Variants in ADAM22 observed in about 807,000 individuals in gnomAD.
ADAM22 encodes the protein disintegrin and metalloproteinase domain-containing protein 22.
A neutral mutation model predicts 144.6 loss-of-function variants in ADAM22; 65 were observed. The observed-to-expected ratio is 0.45, with a 90% confidence interval of 0.37 to 0.55. The LOEUF is 0.55. Ranked by LOEUF, ADAM22 falls within the 20% of genes least tolerant of loss-of-function variation. The probability of loss-of-function intolerance (pLI) is 0.00; values close to 1 mark genes in which losing one functional copy is unlikely to be tolerated. For missense variants in ADAM22, 974 were observed against 1,184.9 expected (o/e 0.82, Z 2.61); for synonymous variants, 391 against 412.6 (o/e 0.95, Z 0.63).
chr7:88,192,718 T>C (rs560336499), intron 30 of ADAM22, among the ~76,000 whole-genome samples: 1 of 152,216 alleles, frequency 6.6e-6, no homozygotes, highest in African/African-American at 2.4e-5. Context: ...ATTGGAATTA[T>C]CGTACTTAAA....
chr7:88,109,055 T>G (rs1257632927), intron 5 of ADAM22, among the ~76,000 whole-genome samples: 1 of 152,158 alleles, frequency 6.6e-6, no homozygotes, highest in African/African-American at 2.4e-5. Flanking sequence ...TTTTTATATT[T>G]TTGTCAAATA....
intron 3 of ADAM22, among the ~76,000 whole-genome samples, chr7:87,988,830 A>G (rs1432515971): frequency 1.3e-5 from 2 of 152,178 alleles, no homozygotes; most frequent in Admixed American, 6.5e-5. Flanking sequence ...AACCCTCTCT[A>G]GTAGACATGG....
chr7:88,142,990 G>C, intron 14 of ADAM22, 36 bp from the exon 15 acceptor site: 1 of 1,350,396 alleles, frequency 7.4e-7, no homozygotes, highest in Non-Finnish European at 1.1e-6. Context: ...AGAAAGATGA[G>C]TTGAACCCAG....
Position 88,063,554 on chromosome 7 carries a change from G to T in ADAM22, c.324-12072G>T, listed in dbSNP as rs561452119. ...AAAGGACAGAGAGGAAATTATCAAA[G>T]AAATATTTTAAGAAAATTTTTCATA... On this transcript the variant is annotated intron_variant, in intron 3 of 31. Coordinates refer to ENST00000413139, the MANE Select transcript of ADAM22 (RefSeq NM_001324418.2). 1.5e-4 allele frequency among the ~76,000 whole-genome samples: 23 copies of T among 152,186 alleles called. No individual in the cohort carries two copies. The South Asian group carries it at 2.7e-3, about 18-fold the overall frequency.
chr7:88,143,192 C>A, intron 15 of ADAM22, 67 bp downstream of exon 15: 1 of 1,132,662 alleles, frequency 8.8e-7, no homozygotes, highest in Non-Finnish European at 1.3e-6. Flanking sequence ...TACAAATACA[C>A]ATTTTCAGCT....
rs1281946644 is a variant in ADAM22 at position 88,138,963 on chromosome 7, G to A, written c.1220+2932G>A. On this transcript the variant is annotated intron_variant, in intron 14 of 31. Transcript: ENST00000413139. ...CTTCCTCCCAGCTCTGCAGTGGGCA[G>A]GAGGGTGGGCTTGGCTGTGACCCCT... is the stretch of plus-strand genomic sequence containing the variant. Among the ~76,000 whole-genome samples the A allele has an allele frequency of 3.9e-5, 6 of 152,238 alleles. No homozygotes were observed. The East Asian group carries it at 1.2e-3, about 29-fold the overall frequency.
chr7:88,123,626 C>T (rs1343811883), intron 7 of ADAM22, among the ~76,000 whole-genome samples: 2 of 151,826 alleles, frequency 1.3e-5, no homozygotes, highest in Non-Finnish European at 2.9e-5. Flanking sequence ...TTTTGAGTCT[C>T]ACTTTTTTCT....
intron 2 of ADAM22, among the ~76,000 whole-genome samples, chr7:87,969,375 G>T (rs1459370602): frequency 1.3e-5 from 2 of 152,120 alleles, no homozygotes; most frequent in African/African-American, 4.8e-5. Context: ...TATCCCTACA[G>T]TTGAAGGACT....
rs749545505 is a variant in ADAM22 at position 87,935,192 on chromosome 7, A to C, written c.246+6A>C. On this transcript the variant is annotated splice_donor_region_variant and intron_variant, in intron 2 of 31. Coordinates refer to ENST00000413139, the MANE Select transcript of ADAM22 (RefSeq NM_001324418.2). ...GCGACCTCGGTGGCCCGCAGGTGAG[A>C]GGCTCGGTCCGGGAGGTGGTCCTCC... The C allele has an allele frequency of 4.4e-6, 7 of 1,593,264 alleles. No homozygotes were observed. The African/African-American group carries it at 9.4e-5, about 21-fold the overall frequency.
intron 3 of ADAM22, among the ~76,000 whole-genome samples, chr7:88,063,150 A>G (rs1477879122): frequency 6.6e-6 from 1 of 152,242 alleles, no homozygotes; most frequent in Non-Finnish European, 1.5e-5. Flanking sequence ...TTGTAAAACA[A>G]CAATAGCAAT....
chr7:88,178,376 T>C (rs1038571591), intron 26 of ADAM22, among the ~76,000 whole-genome samples: 8 of 152,174 alleles, frequency 5.3e-5, no homozygotes, highest in African/African-American at 1.7e-4. Context: ...TTTCCATTTC[T>C]TCGTATTTCT....
At chr7:88,124,245 T>G (rs1829933977) in intron 7 of ADAM22, among the ~76,000 whole-genome samples, 1 of 151,992 alleles carries the variant, frequency 6.6e-6, no homozygotes, top group Admixed American at 6.6e-5. Flanking sequence ...ATTTGTCTAT[T>G]TCTCCTTTCA....
intron 22 of ADAM22, among the ~76,000 whole-genome samples, chr7:88,158,913 C>A (rs771798540): frequency 2.0e-5 from 3 of 151,904 alleles, no homozygotes; most frequent in Non-Finnish European, 2.9e-5. Context: ...AAAATCAGAG[C>A]TGACCTGAAA....
intron 17 of ADAM22, among the ~76,000 whole-genome samples, chr7:88,145,749 A>C (rs1836213324): frequency 6.6e-6 from 1 of 152,190 alleles, no homozygotes; most frequent in Admixed American, 6.5e-5. Context: ...AAGGTCTTAC[A>C]CCAAGTAAGT....
intron 4 of ADAM22, among the ~76,000 whole-genome samples, chr7:88,107,194 A>ATTT (rs1824621014): frequency 1.5e-5 from 2 of 132,226 alleles, no homozygotes; most frequent in African/African-American, 3.0e-5. Context: ...TCATGATTGA[A>ATTT]TTTCTTTTTT....
chr7:87,968,851 CT>C (rs1390979228), intron 2 of ADAM22, among the ~76,000 whole-genome samples: 3 of 152,158 alleles, frequency 2.0e-5, no homozygotes, highest in Admixed American at 6.5e-5. Flanking sequence ...GCTGTACAGG[CT>C]TTTGCTTCTG....
chr7:88,146,756 C>A (rs767032428), intron 17 of ADAM22, among the ~76,000 whole-genome samples: 2 of 152,156 alleles, frequency 1.3e-5, no homozygotes, highest in Admixed American at 6.5e-5. Context: ...GCTCACTTAG[C>A]CAGTAAGGAA....
chr7:88,004,813 A>G (rs1212982370), intron 3 of ADAM22, among the ~76,000 whole-genome samples: 1 of 152,146 alleles, frequency 6.6e-6, no homozygotes, highest in Non-Finnish European at 1.5e-5. Flanking sequence ...CTTAAACAAT[A>G]TGTATTTTGC....
intron 21 of ADAM22, among the ~76,000 whole-genome samples, chr7:88,155,661 A>G: frequency 6.6e-6 from 1 of 152,200 alleles, no homozygotes; most frequent in Non-Finnish European, 1.5e-5. Context: ...ACAGTAAAGA[A>G]AAAGCTAGAA....
Sources: gnomAD v4.1 joint callset for allele counts (sites outside exome capture counted in the v4.1 genomes callset) on GRCh38, gnomAD v4.1.1 for gene constraint, MANE v1.5 for transcripts, NCBI Gene and HGNC (gene_info 2026-07-23, HGNC 2026-07-21) for gene names.